Variants in PLEKHF1 observed in about 807,000 individuals in gnomAD.
PLEKHF1 encodes the protein pleckstrin homology and FYVE domain containing 1.
Under a neutral mutation model 4.1 loss-of-function variants are expected in PLEKHF1, and 1 was observed. The observed-to-expected ratio is 0.24, with a 90% CI of 0.09 to 1.15. The LOEUF is 1.15. PLEKHF1 is among the 50% of genes most tolerant of loss of function. The pLI, the probability that PLEKHF1 is intolerant of heterozygous loss-of-function variation, is 0.52. For synonymous variants in PLEKHF1, 182 were observed against 178.5 expected (o/e 1.02, Z -0.16); for missense variants, 429 against 400.6 (o/e 1.07, Z -0.60).
chr19:29,665,627 T>C, intron 1 of PLEKHF1, 122 bp downstream of exon 1: 4 of 1,168,308 alleles, frequency 3.4e-6, no homozygotes, highest in Non-Finnish European at 4.3e-6. Context: ...TGGCGGCTCC[T>C]GGGCCGGCGG....
intron 1 of PLEKHF1, among the ~76,000 whole-genome samples, chr19:29,666,164 G>A (rs1971567653): frequency 6.8e-6 from 1 of 147,686 alleles, no homozygotes; most frequent in Non-Finnish European, 1.5e-5. Flanking sequence ...CAGAGGTGTG[G>A]TCAGCCTCTT....
chr19:29,672,779 C>G (rs1457450696), intron 1 of PLEKHF1, among the ~76,000 whole-genome samples: 3 of 152,108 alleles, frequency 2.0e-5, no homozygotes, highest in Non-Finnish European at 4.4e-5. Context: ...ATTAGACAAG[C>G]AGGTGAACAT....
Position 29,673,974 on chromosome 19 carries a change from G to GTGCC in PLEKHF1, c.136_139dup (p.Arg47LeufsTer14), listed in dbSNP as rs1176561225. Reference sequence around the variant, plus strand: ...TGGGCGAGGGCGTGCTGACCAAAGAGTGCCGCAAGAAGGCCAAGCCGCGCA... The same window carrying GTGCC: ...TGGGCGAGGGCGTGCTGACCAAAGAGTGCCTGCCGCAAGAAGGCCAAGCCGCGCA... On this transcript the variant is annotated frameshift_variant, in exon 2 of 2. Coordinates refer to ENST00000436066, the MANE Select transcript of PLEKHF1 (RefSeq NM_024310.5). LOFTEE classifies it low-confidence loss of function (END_TRUNC). The GTGCC allele has an allele frequency of 6.2e-7, 1 of 1,613,926 alleles. No homozygotes were observed. The highest frequency in any genetic ancestry group is 8.5e-7 in the Non-Finnish European group (1 of 1,179,996).
chr19:29,666,668 C>T (rs1448162012), intron 1 of PLEKHF1, among the ~76,000 whole-genome samples: 1 of 152,228 alleles, frequency 6.6e-6, no homozygotes, highest in Admixed American at 6.5e-5. Context: ...CTTTCCACAG[C>T]TCATGGTTAT....
In PLEKHF1 at chr19:29,674,293, G is replaced by T. The variant is rs866511610; in HGVS notation, c.454G>T (p.Asp152Tyr). 6.3e-7 allele frequency: 1 copy of T among 1,594,552 alleles called. No homozygotes were observed. The highest frequency in any genetic ancestry group is 8.5e-7 in the Non-Finnish European group (1 of 1,176,168). ...STEHAAPWIP[D>Y]KATDICMRCT... ...GGAGCACGCGGCACCCTGGATCCCC[G>T]ACAAGGCCACGGACATCTGCATGCG... The change falls in exon 2 of 2, where the codon GAC becomes TAC. Residue 152 changes from aspartate to tyrosine, a missense_variant. Asp to Tyr is a radical substitution (Grantham distance 160, BLOSUM62 -3). Transcript: ENST00000436066.
Position 29,671,326 on chromosome 19 carries a change from T to C in PLEKHF1, c.-16-2498T>C, listed in dbSNP as rs143485147. 3.7e-3 allele frequency among the ~76,000 whole-genome samples: 564 copies of C among 152,356 alleles called. 4 individuals carry two copies. Among genetic ancestry groups the C allele is most frequent in the African/African-American group, 0.013 (535 of 41,576 alleles). ...TGAACACTTTCAGAATGTTATGTAA[T>C]TCCTGCATAAGTGGTGTCACTTTAC... On this transcript the variant is annotated intron_variant, in intron 1 of 1. Coordinates refer to ENST00000436066, the MANE Select transcript of PLEKHF1 (RefSeq NM_024310.5). The surrounding 1 kb of genome is among the most constrained non-coding windows in gnomAD (Gnocchi z 4.0).
intron 1 of PLEKHF1, among the ~76,000 whole-genome samples, chr19:29,668,752 C>A: frequency 6.6e-6 from 1 of 151,634 alleles, no homozygotes; most frequent in Non-Finnish European, 1.5e-5. Context: ...AAGAAAAAAG[C>A]ATTCCCCATC....
chr19:29,673,264 C>T (rs1235995413), intron 1 of PLEKHF1, among the ~76,000 whole-genome samples: 2 of 152,104 alleles, frequency 1.3e-5, no homozygotes, highest in Non-Finnish European at 2.9e-5. Flanking sequence ...GGTAGAGACA[C>T]CCAGGTCTCC....
rs1971666953 is a variant in PLEKHF1 at position 29,674,153 on chromosome 19, C to A, written c.314C>A (p.Ala105Asp). ...QAKNRWMIKTAKKSFVVSAAS... is the reference protein window; with the variant it reads ...QAKNRWMIKTDKKSFVVSAAS... ...AAGAACCGCTGGATGATCAAGACGG[C>A]CAAGAAGTCCTTTGTGGTGTCGGCC... Residue 105 changes from alanine (A) to aspartate (D), a missense_variant, in exon 2 of 2, where the codon GCC becomes GAC. Coordinates refer to ENST00000436066, the MANE Select transcript of PLEKHF1 (RefSeq NM_024310.5). The A allele has an allele frequency of 6.2e-7, 1 of 1,613,738 alleles. No homozygotes were observed. The highest frequency in any genetic ancestry group is 8.5e-7 in the Non-Finnish European group (1 of 1,179,966).
In PLEKHF1 at chr19:29,674,382, G is replaced by A; in HGVS notation, c.543G>A (p.Val181=). 2 of 1,535,562 alleles carry A rather than the reference G, an allele frequency of 1.3e-6. No homozygotes were observed. The highest frequency in any genetic ancestry group is 1.2e-5 in the South Asian group (1 of 84,642). Reference sequence around the variant, plus strand: ...ACCACTGCCGCAAGTGCGGCTTCGTGGTCTGCGCTGAGTGCTCGCGCCAGC... The same window carrying A: ...ACCACTGCCGCAAGTGCGGCTTCGTAGTCTGCGCTGAGTGCTCGCGCCAGC... ...RRHHCRKCGF[V]VCAECSRQRF... is the part of the protein sequence containing the mutation. Residue 181 remains valine, a synonymous_variant, in exon 2 of 2, where the codon GTG becomes GTA. Transcript: ENST00000436066.
chr19:29,668,220 G>T (rs1369352493), intron 1 of PLEKHF1, among the ~76,000 whole-genome samples: 1 of 152,180 alleles, frequency 6.6e-6, no homozygotes, highest in Non-Finnish European at 1.5e-5. Flanking sequence ...CTGAGCCTGC[G>T]CTGGGGTCAC....
intron 1 of PLEKHF1, among the ~76,000 whole-genome samples, chr19:29,668,511 G>T (rs1006373271): frequency 1.3e-5 from 2 of 152,044 alleles, no homozygotes; most frequent in African/African-American, 2.4e-5. Context: ...CTTGAGGCCA[G>T]GAGTTCAAGA....
At chr19:29,668,368 T>C (rs891200) in intron 1 of PLEKHF1, among the ~76,000 whole-genome samples, 148,662 of 151,974 alleles carry the variant, frequency 0.98, 72,715 homozygotes, top group East Asian at 1. Context: ...TCAGCTTTTT[T>C]CTCCCCTGTG....
At chr19:29,673,764 G>A (rs1305106201) in intron 1 of PLEKHF1, 60 bp from the exon 2 acceptor site, 39 of 1,544,488 alleles carry the variant, frequency 2.5e-5, no homozygotes, top group Middle Eastern at 1.7e-4. Flanking sequence ...GGTGGGCAGC[G>A]TGGTTCTGAC....
rs1971630884 is a variant in PLEKHF1 at position 29,671,422 on chromosome 19, ATC to A, written c.-16-2397_-16-2396del. Among the ~76,000 whole-genome samples, 1 of 152,124 alleles carries A rather than the reference ATC, an allele frequency of 6.6e-6. No homozygotes were observed. The highest frequency in any genetic ancestry group is 2.4e-5 in the African/African-American group (1 of 41,412). On this transcript the variant is annotated intron_variant, in intron 1 of 1. Coordinates refer to ENST00000436066, the MANE Select transcript of PLEKHF1 (RefSeq NM_024310.5). This position sits in a 1 kb window ranked among gnomAD's most constrained non-coding sequence, Gnocchi z 4.0. ...TTGCCGTCAGACCACATTGATCTGT[ATC>A]TCTCATTGCGTGAGTAGCCCCGGGT...
rs1475483644 is a variant in PLEKHF1, at chr19:29,673,994, C to T, written c.155C>T (p.Pro52Leu). 2 of 1,614,066 alleles carry T rather than the reference C, an allele frequency of 1.2e-6. No individual in the cohort carries two copies. The highest frequency in any genetic ancestry group is 8.5e-7 in the Non-Finnish European group (1 of 1,179,992). Reference protein sequence around the residue: ...LTKECRKKAKPRIFFLFNDIL... With the variant: ...LTKECRKKAKLRIFFLFNDIL... ...AAAGAGTGCCGCAAGAAGGCCAAGC[C>T]GCGCATCTTCTTCCTCTTTAACGAC... The change falls in exon 2 of 2, where the codon CCG becomes CTG. Residue 52 changes from proline (P) to leucine (L), a missense_variant. Pro to Leu is a moderately conservative substitution (Grantham distance 98). Transcript: ENST00000436066.
rs150514783 is a variant in PLEKHF1, at chr19:29,673,913, C to T, written c.74C>T (p.Ser25Leu). Reference protein sequence around the residue: ...IAAVESCFGASGQPLALPGRV... With the variant: ...IAAVESCFGALGQPLALPGRV... ...GCAGTGGAGAGCTGCTTCGGGGCCT[C>T]GGGGCAGCCGCTGGCGCTGCCAGGC... The change falls in exon 2 of 2, where the codon TCG (serine) becomes TTG (leucine). Residue 25 changes from serine to leucine, a missense_variant. Transcript: ENST00000436066. 128 of 1,612,634 alleles carry T rather than the reference C, an allele frequency of 7.9e-5. No homozygotes were observed. In the African/African-American group the frequency reaches 1.3e-3, roughly 16 times the overall value.
chr19:29,668,389 G>T (rs1038999453), intron 1 of PLEKHF1, among the ~76,000 whole-genome samples: 15 of 152,070 alleles, frequency 9.9e-5, no homozygotes, highest in African/African-American at 3.6e-4. Context: ...CTAAGCAAGG[G>T]AGGTTCACTT....
chr19:29,668,399 T>C (rs538694410), intron 1 of PLEKHF1, among the ~76,000 whole-genome samples: 1 of 151,424 alleles, frequency 6.6e-6, no homozygotes, highest in African/African-American at 2.4e-5. Context: ...GAGGTTCACT[T>C]CCCTAGTGAG....
Sources: allele counts gnomAD v4.1 joint callset (sites outside exome capture counted in the v4.1 genomes callset), GRCh38; gene constraint gnomAD v4.1.1; non-coding constraint Gnocchi (gnomAD v3.1); transcripts MANE v1.5; gene names NCBI Gene and HGNC (gene_info 2026-07-23, HGNC 2026-07-21).